PLCG2: variants seen among roughly 807,000 people sequenced by gnomAD.
The protein encoded by PLCG2 is phospholipase C gamma 2.
In PLCG2, 69 loss-of-function variants were observed where a neutral mutation model predicts 175.6. That is an observed-to-expected ratio of 0.39 (90% CI 0.32 to 0.48). The LOEUF is 0.48. Ranked by LOEUF, PLCG2 falls within the 20% of genes least tolerant of loss-of-function variation. The probability of loss-of-function intolerance (pLI) is 0.91; values close to 1 mark genes in which losing one functional copy is unlikely to be tolerated. For synonymous variants in PLCG2, 827 were observed against 624.0 expected (o/e 1.33, Z -4.85); for missense variants, 1,798 against 1,650.9 (o/e 1.09, Z -1.54).
intron 30 of PLCG2, among the ~76,000 whole-genome samples, chr16:81,944,271 G>C (rs1227272961): frequency 6.6e-6 from 1 of 152,138 alleles, no homozygotes; most frequent in Non-Finnish European, 1.5e-5. Flanking sequence ...TGGATCTGTG[G>C]ACTCAACCAA....
intron 31 of PLCG2, among the ~76,000 whole-genome samples, chr16:81,956,327 C>T (rs1295524547): frequency 6.6e-6 from 1 of 152,158 alleles, no homozygotes; most frequent in Non-Finnish European, 1.5e-5. Flanking sequence ...CTGGGTTCCA[C>T]TTTAAGCGTG....
At chr16:81,910,786 T>G in intron 18 of PLCG2, 66 bp downstream of exon 18, 2 of 1,456,196 alleles carry the variant, frequency 1.4e-6, no homozygotes, top group Non-Finnish European at 1.9e-6. Context: ...GCAGAGAAGC[T>G]GGCCTGGTGG....
At chr16:81,792,091 G>A (rs2143203038) in intron 2 of PLCG2, among the ~76,000 whole-genome samples, 1 of 152,304 alleles carries the variant, frequency 6.6e-6, no homozygotes, top group East Asian at 1.9e-4. Context: ...GCCACCAGCA[G>A]CCAAGCTCCC....
chr16:81,922,509 A>G (rs962237444), intron 21 of PLCG2, among the ~76,000 whole-genome samples: 1 of 152,228 alleles, frequency 6.6e-6, no homozygotes, highest in African/African-American at 2.4e-5. Context: ...ACATGATCTC[A>G]TTTAGTAGTC....
rs759496244 is a variant in PLCG2 at position 81,910,638 on chromosome 16, C to G, written c.1852C>G (p.Arg618Gly). The G allele has an allele frequency of 6.2e-7, 1 of 1,614,008 alleles. No individual in the cohort carries two copies. The highest frequency in any genetic ancestry group is 8.5e-7 in the Non-Finnish European group (1 of 1,180,004). Residue 618 changes from arginine (R) to glycine (G), a missense_variant, in exon 18 of 33, where the codon CGC becomes GGC. Coordinates refer to ENST00000564138, the MANE Select transcript of PLCG2 (RefSeq NM_002661.5). ...CATCTATGCCCTCATCCAGCACTAC[C>G]GCGAGACGCACCTGCGCTGCGCCGA... is the stretch of plus-strand genomic sequence containing the variant. ...SSIYALIQHY[R>G]ETHLRCAEFE...
intron 20 of PLCG2, among the ~76,000 whole-genome samples, chr16:81,920,792 A>G (rs890803416): frequency 1.3e-5 from 2 of 152,162 alleles, no homozygotes; most frequent in African/African-American, 4.8e-5. Context: ...GCCAGTTTCC[A>G]TGGTGTAAAT....
chr16:81,843,817 A>T (rs140181910), intron 2 of PLCG2, among the ~76,000 whole-genome samples: 19 of 152,354 alleles, frequency 1.2e-4, no homozygotes, highest in African/African-American at 4.3e-4. Flanking sequence ...GGGATGAAAG[A>T]AGAACTCAAT....
At chr16:81,892,416 T>C (rs886629135) in intron 11 of PLCG2, among the ~76,000 whole-genome samples, 2 of 152,120 alleles carry the variant, frequency 1.3e-5, no homozygotes, top group Admixed American at 1.3e-4. Context: ...GTGAAGTCCT[T>C]GGGTGATGGC....
chr16:81,908,917 C>G (rs541737059), intron 17 of PLCG2, among the ~76,000 whole-genome samples: 22 of 152,318 alleles, frequency 1.4e-4, no homozygotes, highest in African/African-American at 5.3e-4. Context: ...CTCACTTTCC[C>G]CGATCCCAGC....
At chr16:81,905,684 G>A (rs557319787) in intron 15 of PLCG2, among the ~76,000 whole-genome samples, 177 bp downstream of exon 15, 1 of 152,010 alleles carries the variant, frequency 6.6e-6, no homozygotes, top group South Asian at 2.1e-4. Context: ...TGTGGGACAG[G>A]GTCTCACTCT....
At chr16:81,760,480 C>A (rs1293535446) in intron 2 of PLCG2, among the ~76,000 whole-genome samples, 1 of 152,124 alleles carries the variant, frequency 6.6e-6, no homozygotes, top group East Asian at 1.9e-4. Context: ...AGCGTCCCTA[C>A]CCAAGCTGCA....
intron 13 of PLCG2, chr16:81,898,051 G>A (rs780520742): frequency 7.9e-5 from 27 of 339,684 alleles, no homozygotes; most frequent in Non-Finnish European, 1.5e-4. Flanking sequence ...GAAGGAGCTG[G>A]TATTAACAGA....
chr16:81,901,015 G>C (rs1567523711), intron 14 of PLCG2, among the ~76,000 whole-genome samples: 1 of 152,264 alleles, frequency 6.6e-6, no homozygotes, highest in Non-Finnish European at 1.5e-5. Flanking sequence ...CATCTGGCTA[G>C]CTTGCTGGGA....
intron 7 of PLCG2, among the ~76,000 whole-genome samples, chr16:81,871,669 G>C (rs1907522295): frequency 6.6e-6 from 1 of 152,048 alleles, no homozygotes; most frequent in Admixed American, 6.6e-5. Context: ...TTTTTTATGA[G>C]GGCATATTTT....
At chr16:81,904,046 A>C (rs1332961789) in intron 14 of PLCG2, among the ~76,000 whole-genome samples, 1 of 152,228 alleles carries the variant, frequency 6.6e-6, no homozygotes, top group South Asian at 2.1e-4. Context: ...AGATGTGGAC[A>C]TTGAGATTCA....
At chr16:81,807,709 C>T (rs762886792) in intron 2 of PLCG2, among the ~76,000 whole-genome samples, 1 of 152,134 alleles carries the variant, frequency 6.6e-6, no homozygotes, top group Non-Finnish European at 1.5e-5. Flanking sequence ...CTACCAAAGA[C>T]TGGGTAATAT....
intron 1 of PLCG2, among the ~76,000 whole-genome samples, chr16:81,752,172 C>T (rs1387465624): frequency 6.6e-6 from 1 of 152,108 alleles, no homozygotes; most frequent in Non-Finnish European, 1.5e-5. Context: ...GCTGGGAGCT[C>T]CCACTGTTCC....
At chr16:81,898,408 T>G (rs541975525) in intron 13 of PLCG2, 1 of 152,596 alleles carries the variant, frequency 6.6e-6, no homozygotes, top group Non-Finnish European at 1.5e-5. Flanking sequence ...TGTAAAAGCT[T>G]TTTAGCTGTT....
intron 30 of PLCG2, among the ~76,000 whole-genome samples, chr16:81,940,674 C>A (rs961260517): frequency 1.3e-5 from 2 of 152,074 alleles, no homozygotes; most frequent in African/African-American, 2.4e-5. Context: ...CTCTTAAGAA[C>A]CCTGCTGAAT....
Sources: gnomAD v4.1 joint callset for allele counts (sites outside exome capture counted in the v4.1 genomes callset) on GRCh38, gnomAD v4.1.1 for gene constraint, MANE v1.5 for transcripts, NCBI Gene and HGNC (gene_info 2026-07-23, HGNC 2026-07-21) for gene names.